The following SOX6 variants were observed in gnomAD, a reference collection of about 807,000 sequenced individuals.
SOX6 encodes SRY-box transcription factor 6.
SOX6 carries 11 observed loss-of-function variants against 97.8 expected under a neutral mutation model. The observed-to-expected ratio is 0.11, with a 90% CI of 0.07 to 0.19. The LOEUF (loss-of-function observed/expected upper bound fraction) is 0.19, where lower values mean the gene tolerates loss of function less well. Among genes scored for constraint, SOX6 ranks in the 10% least tolerant of loss-of-function variants. The pLI, the probability that SOX6 is intolerant of heterozygous loss-of-function variation, is 1.00. For synonymous variants in SOX6, 360 were observed against 371.4 expected, an observed-to-expected ratio of 0.97 and a Z score of 0.35; for missense variants, 810 against 1,039.5, an observed-to-expected ratio of 0.78 and a Z score of 3.04.
Position 16,392,011 on chromosome 11 carries a change from A to G in SOX6, c.-4-50759T>C, listed in dbSNP as rs77026210. Reference sequence around the variant, plus strand: ...CAATGGTACATATATAGTACAAAATATTATGTAGAAGGAAATGAGATAAAG... The same window carrying G: ...CAATGGTACATATATAGTACAAAATGTTATGTAGAAGGAAATGAGATAAAG... On this transcript the variant is annotated intron_variant, in intron 1 of 15. Coordinates refer to the SOX6 transcript ENST00000396356. Among the ~76,000 whole-genome samples, 873 of 152,232 alleles carry G rather than the reference A, an allele frequency of 5.7e-3. 12 individuals are homozygous for G. The highest frequency in any genetic ancestry group is 0.019 in the African/African-American group (782 of 41,558).
chr11:16,325,529 A>C (rs551861278), intron 2 of SOX6, among the ~76,000 whole-genome samples: 9 of 152,298 alleles, frequency 5.9e-5, no homozygotes, highest in Non-Finnish European at 1.2e-4. Flanking sequence ...AGAAAAAAAT[A>C]GTAATTTAAA....
intron 12 of SOX6, among the ~76,000 whole-genome samples, chr11:16,044,436 T>C (rs748496464): frequency 1.3e-5 from 2 of 152,168 alleles, no homozygotes; most frequent in East Asian, 3.9e-4. Context: ...CATAATTCAT[T>C]TTCCAGTTTA....
intron 3 of SOX6, among the ~76,000 whole-genome samples, chr11:16,236,513 GT>G (rs371227072): frequency 8.6e-5 from 13 of 151,288 alleles, no homozygotes; most frequent in Admixed American, 5.9e-4. Flanking sequence ...ACCCAATTCT[GT>G]TTTTTTTAGC....
chr11:16,577,709 G>T (rs1847996250), intron 4 of SOX6, among the ~76,000 whole-genome samples: 1 of 151,894 alleles, frequency 6.6e-6, no homozygotes, highest in Non-Finnish European at 1.5e-5. Flanking sequence ...TGTGCTTATT[G>T]TCCATTTGTA....
At chr11:16,571,809 G>A (rs1056494502) in intron 4 of SOX6, among the ~76,000 whole-genome samples, 20 of 152,134 alleles carry the variant, frequency 1.3e-4, no homozygotes, top group African/African-American at 4.8e-4. Context: ...ACTCTGCCAC[G>A]TCTGGCTAAT....
At chr11:16,334,590 G>C (rs1218633186) in intron 2 of SOX6, among the ~76,000 whole-genome samples, 1 of 151,962 alleles carries the variant, frequency 6.6e-6, no homozygotes, top group Non-Finnish European at 1.5e-5. Flanking sequence ...ACCACGTCTG[G>C]CTAATTTTTG....
intron 4 of SOX6, among the ~76,000 whole-genome samples, chr11:16,595,714 T>C (rs1231595339): frequency 3.3e-5 from 5 of 151,652 alleles, no homozygotes; most frequent in Non-Finnish European, 7.4e-5. Context: ...ATGGCTGCAA[T>C]GAGCCATGAT....
intron 6 of SOX6, among the ~76,000 whole-genome samples, chr11:16,133,204 C>T (rs1849867396): frequency 6.6e-6 from 1 of 152,198 alleles, no homozygotes; most frequent in Admixed American, 6.5e-5. Context: ...ACAAATGGGG[C>T]ACACCCCTTT....
chr11:16,171,869 T>G (rs1279506212), intron 6 of SOX6, among the ~76,000 whole-genome samples: 1 of 151,892 alleles, frequency 6.6e-6, no homozygotes, highest in Admixed American at 6.6e-5. Context: ...TGAAATTCTC[T>G]CATTTTTAAA....
chr11:16,667,603 A>G lies in SOX6; in HGVS notation n.429+47227T>C, dbSNP rs925165561. Among the ~76,000 whole-genome samples the G allele has an allele frequency of 4.6e-5, 7 of 152,276 alleles. No homozygotes were observed. In the East Asian group the frequency reaches 7.7e-4, roughly 17 times the overall value. ...TGTATCCAGTGAAAATATCCTTCAA[A>G]CATGGGGAAATAAAGACTTTCTCAG... On this transcript the variant is annotated intron_variant and non_coding_transcript_variant, in intron 3 of 5. Coordinates refer to the SOX6 transcript ENST00000524520.
At position 16,183,940 on chromosome 11, in the gene SOX6, C is replaced by T. The variant is rs374753810; in HGVS notation, c.723G>A (p.Gln241=). ...TGTGCTGCTGTTGCAGAAGTTGCTG[C>T]TGTTGTCTCGCAATCTATCAGAAAT... ...RQQQEQIARQ[Q]QQLLQQQHKI... The change falls in exon 6 of 16, where the codon CAG becomes CAA. Residue 241 remains glutamine, a synonymous_variant. Coordinates refer to ENST00000683767, the MANE Select transcript of SOX6 (RefSeq NM_001367873.1). 2.8e-5 allele frequency: 45 copies of T among 1,612,270 alleles called. 1 individual carries two copies. In the African/African-American group the frequency reaches 5.5e-4, roughly 20 times the overall value.
intron 6 of SOX6, among the ~76,000 whole-genome samples, chr11:16,132,325 AGG>A (rs1564971954): frequency 2.5e-3 from 261 of 105,722 alleles, no homozygotes; most frequent in East Asian, 8.3e-3. Flanking sequence ...GAAGGAAGGA[AGG>A]AAGGAAAGAA....
intron 9 of SOX6, among the ~76,000 whole-genome samples, chr11:16,071,149 A>G (rs1848214460): frequency 6.6e-6 from 1 of 151,840 alleles, no homozygotes; most frequent in Non-Finnish European, 1.5e-5. Context: ...AGGCAACTTT[A>G]CCAAACCCTT....
chr11:16,485,278 AC>A, intron 4 of SOX6, among the ~76,000 whole-genome samples: 1 of 152,306 alleles, frequency 6.6e-6, no homozygotes, highest in East Asian at 1.9e-4. Context: ...AATAGTGTCT[AC>A]ACAAAACAAA....
At chr11:16,125,873 A>AGGAAGGAG (rs1438187281) in intron 6 of SOX6, among the ~76,000 whole-genome samples, 16 of 149,470 alleles carry the variant, frequency 1.1e-4, no homozygotes, top group Admixed American at 8.7e-4. Context: ...GAAGGAAGGA[A>AGGAAGGAG]GGAAAGTTTA....
At position 16,535,259 on chromosome 11, in the gene SOX6, T is replaced by A. The variant is rs1019980759; in HGVS notation, n.610-58871A>T. On this transcript the variant is annotated intron_variant and non_coding_transcript_variant, in intron 4 of 5. Transcript: ENST00000524520. The stretch of plus-strand genomic sequence containing the variant: ...AAATGTATATAATTAGCTGACAGAC[T>A]ACCCTCCCAGTAAACCCAGAGCAGA... 2.0e-5 allele frequency among the ~76,000 whole-genome samples: 3 copies of A among 152,220 alleles called. No individual in the cohort carries two copies. The East Asian group carries it at 5.8e-4, about 29-fold the overall frequency.
intron 9 of SOX6, among the ~76,000 whole-genome samples, chr11:16,068,608 A>T (rs957698816): frequency 6.6e-6 from 1 of 152,208 alleles, no homozygotes; most frequent in African/African-American, 2.4e-5. Flanking sequence ...GTAGGGGAAG[A>T]ACTACTACAC....
Position 15,972,506 on chromosome 11 carries a change from C to T in SOX6, c.*303G>A. 2.7e-6 allele frequency: 1 copy of T among 373,780 alleles called. No individual in the cohort carries two copies. Among genetic ancestry groups the T allele is most frequent in the Non-Finnish European group, 4.9e-6 (1 of 204,320 alleles). 23.2% of individuals were successfully genotyped at this position (373,780 alleles called of 1,614,324 possible). ...CATCCAAAAGAAAAAAAAAGTAAGA[C>T]AAAAATATAAGACTTGTAAGACATC... On this transcript the variant is annotated 3_prime_UTR_variant, in exon 16 of 16. Coordinates refer to ENST00000683767, the MANE Select transcript of SOX6 (RefSeq NM_001367873.1).
chr11:16,623,301 G>A (rs530084446), intron 3 of SOX6, among the ~76,000 whole-genome samples: 2 of 152,288 alleles, frequency 1.3e-5, no homozygotes, highest in South Asian at 2.1e-4. Context: ...GATTACAGGC[G>A]TGAGCCACTG....
Sources: allele counts gnomAD v4.1 joint callset (sites outside exome capture counted in the v4.1 genomes callset), GRCh38; gene constraint gnomAD v4.1.1; transcripts MANE v1.5; gene names NCBI Gene and HGNC (gene_info 2026-07-23, HGNC 2026-07-21).